KIF26B: variants seen among roughly 807,000 people sequenced by gnomAD.
KIF26B encodes the protein kinesin family member 26B.
KIF26B carries 63 observed loss-of-function variants against 151.2 expected under a neutral mutation model. That is an observed-to-expected ratio of 0.42 (90% CI 0.34 to 0.51). The LOEUF is 0.51. Ranked by LOEUF, KIF26B falls within the 20% of genes least tolerant of loss-of-function variation. KIF26B has a pLI of 0.07. For synonymous variants in KIF26B, 1,357 were observed against 1,262.1 expected (o/e 1.08, Z -1.59); for missense variants, 2,813 against 2,913.6 (o/e 0.97, Z 0.79).
chr1:245,680,715 T>G (rs1465441471), intron 10 of KIF26B, among the ~76,000 whole-genome samples: 1 of 152,176 alleles, frequency 6.6e-6, no homozygotes, highest in Non-Finnish European at 1.5e-5. Flanking sequence ...TATTTGCACA[T>G]TCACCTACTC....
Position 245,606,833 on chromosome 1 carries a change from C to T in KIF26B, c.1558-818C>T, listed in dbSNP as rs541013515. Among the ~76,000 whole-genome samples, 138 of 152,142 alleles carry T rather than the reference C, an allele frequency of 9.1e-4. No individual in the cohort carries two copies. Among genetic ancestry groups the T allele is most frequent in the Non-Finnish European group, 1.7e-3 (117 of 67,986 alleles). ...ATCCCAGCACTTTGGGAGGCCGAGG[C>T]GGGTGGATCACCTGAGGTCAGGAGT... On this transcript the variant is annotated intron_variant, in intron 6 of 14. Transcript: ENST00000407071. This position sits in a 1 kb window ranked among gnomAD's most constrained non-coding sequence, Gnocchi z 4.6.
chr1:245,700,859 G>A (rs774677301), intron 14 of KIF26B, among the ~76,000 whole-genome samples: 5 of 152,230 alleles, frequency 3.3e-5, no homozygotes, highest in South Asian at 2.1e-4. Context: ...ATCCCTCCCC[G>A]CTGCGGATAC....
chr1:245,558,064 T>C (rs1445438944), intron 5 of KIF26B, among the ~76,000 whole-genome samples: 1 of 152,084 alleles, frequency 6.6e-6, no homozygotes, highest in Non-Finnish European at 1.5e-5. Context: ...CAGTGGGTGA[T>C]CAACTACAGC....
chr1:245,159,395 C>A (rs1231844994), intron 2 of KIF26B, among the ~76,000 whole-genome samples: 1 of 152,122 alleles, frequency 6.6e-6, no homozygotes, highest in Non-Finnish European at 1.5e-5. Flanking sequence ...TACTTTGTGA[C>A]ATTGGGTAAA....
At chr1:245,517,988 C>T (rs2103088063) in intron 4 of KIF26B, among the ~76,000 whole-genome samples, 1 of 151,508 alleles carries the variant, frequency 6.6e-6, no homozygotes, top group East Asian at 2.0e-4. Flanking sequence ...TCCTCTGCCT[C>T]AGTCTCCCAA....
intron 3 of KIF26B, among the ~76,000 whole-genome samples, chr1:245,411,257 G>A (rs551994745): frequency 8.5e-5 from 13 of 152,288 alleles, no homozygotes; most frequent in African/African-American, 2.9e-4. Flanking sequence ...TGGTGTGCGC[G>A]AAGAAAAGAG....
chr1:245,699,773 C>T (rs1022248530), intron 14 of KIF26B, among the ~76,000 whole-genome samples: 1 of 152,220 alleles, frequency 6.6e-6, no homozygotes, highest in East Asian at 1.9e-4. Flanking sequence ...CCCTTCCCAT[C>T]CAGCCCTCAG....
chr1:245,399,661 C>A (rs1351858868), intron 3 of KIF26B, among the ~76,000 whole-genome samples: 2 of 152,162 alleles, frequency 1.3e-5, no homozygotes, highest in Non-Finnish European at 2.9e-5. Flanking sequence ...TTATGAGAAG[C>A]AACACGCATG....
chr1:245,696,831 C>T (rs776138150), intron 12 of KIF26B, among the ~76,000 whole-genome samples: 5 of 152,108 alleles, frequency 3.3e-5, no homozygotes, highest in African/African-American at 1.2e-4. Context: ...AGGTTTTGGC[C>T]GGGCACAGTG....
intron 2 of KIF26B, among the ~76,000 whole-genome samples, chr1:245,261,465 CTT>C (rs1449730517): frequency 8.2e-4 from 53 of 64,368 alleles, no homozygotes; most frequent in East Asian, 1.1e-3. Flanking sequence ...CTTTTTCTTT[CTT>C]TCTCTCTCTC....
chr1:245,633,019 C>T (rs567909849), intron 9 of KIF26B, among the ~76,000 whole-genome samples: 6 of 152,224 alleles, frequency 3.9e-5, no homozygotes, highest in African/African-American at 1.2e-4. Flanking sequence ...CTGGGTACTC[C>T]AGTGTTGACT....
At chr1:245,315,781 C>CA (rs1381411724) in intron 2 of KIF26B, among the ~76,000 whole-genome samples, 2 of 151,590 alleles carry the variant, frequency 1.3e-5, no homozygotes, top group East Asian at 3.9e-4. Flanking sequence ...CCCAGATACT[C>CA]AAGAGGCTGC....
At chr1:245,308,461 C>T (rs1671599536) in intron 2 of KIF26B, among the ~76,000 whole-genome samples, 1 of 152,206 alleles carries the variant, frequency 6.6e-6, no homozygotes, top group Non-Finnish European at 1.5e-5. Context: ...GCTCATATGT[C>T]TTCCTTGCAT....
intron 3 of KIF26B, among the ~76,000 whole-genome samples, chr1:245,415,724 T>C (rs1367501622): frequency 1.3e-5 from 2 of 151,942 alleles, no homozygotes; most frequent in African/African-American, 4.8e-5. Flanking sequence ...AGACTGTCTT[T>C]GCACAAGATA....
At chr1:245,538,515 C>T (rs1661533971) in intron 4 of KIF26B, among the ~76,000 whole-genome samples, 1 of 151,822 alleles carries the variant, frequency 6.6e-6, no homozygotes, top group African/African-American at 2.4e-5. Flanking sequence ...CTTTTCTCCT[C>T]AGCAGGGGAT....
chr1:245,441,048 G>A (rs1235692902), intron 4 of KIF26B, among the ~76,000 whole-genome samples: 1 of 152,222 alleles, frequency 6.6e-6, no homozygotes, highest in African/African-American at 2.4e-5. Flanking sequence ...GCTCAGAAAA[G>A]GGACAGGTGA....
intron 14 of KIF26B, among the ~76,000 whole-genome samples, chr1:245,700,202 G>A (rs534825706): frequency 3.2e-4 from 49 of 152,222 alleles, no homozygotes; most frequent in East Asian, 1.7e-3. Context: ...TGGGACCTCA[G>A]GTAAGACACT....
chr1:245,665,431 AG>A (rs2044201917), intron 10 of KIF26B, among the ~76,000 whole-genome samples: 1 of 152,230 alleles, frequency 6.6e-6, no homozygotes, highest in Admixed American at 6.5e-5. Flanking sequence ...CATTATTTCA[AG>A]TGTCAAATAT....
chr1:245,608,173 G>A lies in KIF26B; in HGVS notation c.1651+429G>A, dbSNP rs530078506. 1.3e-4 allele frequency among the ~76,000 whole-genome samples: 20 copies of A among 152,300 alleles called. 1 individual carries two copies. In the South Asian group the frequency reaches 3.5e-3, roughly 27 times the overall value. On this transcript the variant is annotated intron_variant, in intron 7 of 14. Transcript: ENST00000407071. ...CCAAGCAAAGCCCAGAGCCCAGGGC[G>A]CGTCTGGAGAAAGCAGTGCACACCG...
Sources: gnomAD v4.1 joint callset for allele counts (sites outside exome capture counted in the v4.1 genomes callset) on GRCh38, gnomAD v4.1.1 for gene constraint, Gnocchi (gnomAD v3.1) non-coding constraint, MANE v1.5 for transcripts, NCBI Gene and HGNC (gene_info 2026-07-23, HGNC 2026-07-21) for gene names.